The following ETV6 variants were observed in gnomAD, a reference collection of about 807,000 sequenced individuals.
The protein encoded by ETV6 is transcription factor ETV6.
A neutral mutation model predicts 51.1 loss-of-function variants in ETV6; 16 were observed. The ratio of observed to expected loss-of-function variants is 0.31; its 90% CI spans 0.21 to 0.48. ETV6 has a LOEUF of 0.48. Ranked by LOEUF, ETV6 falls within the 20% of genes least tolerant of loss-of-function variation. ETV6 has a pLI of 0.99. For synonymous variants in ETV6, 240 were observed against 224.1 expected (o/e 1.07, Z -0.64); for missense variants, 458 against 594.8 (o/e 0.77, Z 2.39).
chr12:11,750,147 G>A (rs1228569328), intron 1 of ETV6, among the ~76,000 whole-genome samples: 1 of 152,246 alleles, frequency 6.6e-6, no homozygotes, highest in Non-Finnish European at 1.5e-5. Flanking sequence ...GTGCAGAAGT[G>A]TGGTGTTTCA....
intron 1 of ETV6, among the ~76,000 whole-genome samples, chr12:11,743,806 T>C (rs1249144409): frequency 6.6e-6 from 1 of 152,116 alleles, no homozygotes; most frequent in East Asian, 1.9e-4. Flanking sequence ...TTCTTTCTCT[T>C]CCTTTTACAA....
rs1207214494 is a variant in ETV6, at chr12:11,895,367, C to A, written c.*4321C>A. The A allele has an allele frequency of 1.4e-5, 3 of 222,024 alleles. No homozygotes were observed. The highest frequency in any genetic ancestry group is 4.7e-5 in the African/African-American group (2 of 42,920). 13.8% of individuals were successfully genotyped at this position (222,024 alleles called of 1,614,324 possible). On this transcript the variant is annotated 3_prime_UTR_variant, in exon 8 of 8. Transcript: ENST00000396373. ...ATTTTTAAAGAAAAGCCTATAATTA[C>A]ATCATCTCAATAAATTTTTTATAAA...
At chr12:11,798,442 C>A (rs1332522603) in intron 2 of ETV6, among the ~76,000 whole-genome samples, 1 of 152,106 alleles carries the variant, frequency 6.6e-6, no homozygotes, top group African/African-American at 2.4e-5. Context: ...CCTCTTAGAG[C>A]CCCTGAAAGT....
chr12:11,702,765 TA>T (rs749797943), intron 1 of ETV6, among the ~76,000 whole-genome samples: 78 of 152,314 alleles, frequency 5.1e-4, no homozygotes, highest in Non-Finnish European at 1.0e-3. Flanking sequence ...TTCTGAACTG[TA>T]AAATGTGAGC....
At position 11,893,781 on chromosome 12, in the gene ETV6, A is replaced by C. The variant is rs1947335002; in HGVS notation, c.*2735A>C. 1.3e-5 allele frequency: 2 copies of C among 157,752 alleles called. No homozygotes were observed. Among genetic ancestry groups the C allele is most frequent in the Non-Finnish European group, 2.5e-5 (2 of 79,064 alleles). The allele number at this position is 157,752 out of a possible 1,614,324, so 9.8% of individuals were successfully genotyped here. On this transcript the variant is annotated 3_prime_UTR_variant, in exon 8 of 8. Transcript: ENST00000396373. Reference sequence around the variant, plus strand: ...GTGTTTAGACTTTGTGTCCATCCCCAAGATCTCTCATTTTATATATATATA... The same window carrying C: ...GTGTTTAGACTTTGTGTCCATCCCCCAGATCTCTCATTTTATATATATATA...
At chr12:11,816,440 G>T (rs889850993) in intron 2 of ETV6, among the ~76,000 whole-genome samples, 8 of 152,082 alleles carry the variant, frequency 5.3e-5, no homozygotes, top group Non-Finnish European at 1.0e-4. Flanking sequence ...AGAGACGGGG[G>T]TTTCACCATG....
At chr12:11,876,036 T>A (rs1391010671) in intron 5 of ETV6, among the ~76,000 whole-genome samples, 1 of 152,196 alleles carries the variant, frequency 6.6e-6, no homozygotes, top group Non-Finnish European at 1.5e-5. Flanking sequence ...CAATGTAGGA[T>A]GCAGACTTAG....
At chr12:11,829,796 C>T (rs144095245) in intron 2 of ETV6, among the ~76,000 whole-genome samples, 191 of 152,270 alleles carry the variant, frequency 1.3e-3, no homozygotes, top group African/African-American at 4.5e-3. Context: ...TATAACCTTC[C>T]GACCTCCACT....
intron 1 of ETV6, among the ~76,000 whole-genome samples, chr12:11,665,132 C>T (rs534213714): frequency 8.5e-5 from 13 of 152,250 alleles, no homozygotes; most frequent in South Asian, 2.1e-4. Flanking sequence ...CTCAGCCTCC[C>T]GAGTAGCTGA....
chr12:11,741,342 G>A (rs1017342014), intron 1 of ETV6, among the ~76,000 whole-genome samples: 10 of 152,216 alleles, frequency 6.6e-5, no homozygotes, highest in African/African-American at 2.2e-4. Flanking sequence ...TCTCCAGCAT[G>A]AGAAAGTGGT....
chr12:11,811,334 G>C (rs977664476), intron 2 of ETV6, among the ~76,000 whole-genome samples: 3 of 152,360 alleles, frequency 2.0e-5, no homozygotes, highest in African/African-American at 7.2e-5. Flanking sequence ...CCAAGAAGCA[G>C]TGTCTTTTGG....
chr12:11,869,582 A>C lies in ETV6; in HGVS notation c.622A>C (p.Met208Leu). The C allele has an allele frequency of 6.2e-7, 1 of 1,614,120 alleles. No individual in the cohort carries two copies. Among genetic ancestry groups the C allele is most frequent in the Non-Finnish European group, 8.5e-7 (1 of 1,180,016 alleles). Reference sequence around the variant, plus strand: ...GCCCCTCCGGTCCCCCCTGGACAACATGATCCGCCGCCTCTCCCCGGCTGA... The same window carrying C: ...GCCCCTCCGGTCCCCCCTGGACAACCTGATCCGCCGCCTCTCCCCGGCTGA... Reference protein sequence around the residue: ...QRPLRSPLDNMIRRLSPAERA... With the variant: ...QRPLRSPLDNLIRRLSPAERA... The change falls in exon 5 of 8, where the codon ATG (methionine) becomes CTG (leucine). Residue 208 changes from methionine to leucine, a missense_variant. By Grantham distance (15) the Met-to-Leu change is conservative. Transcript: ENST00000396373. This position sits in a 1 kb window ranked among gnomAD's most constrained non-coding sequence, Gnocchi z 5.0.
At chr12:11,811,750 C>T (rs1319043759) in intron 2 of ETV6, among the ~76,000 whole-genome samples, 1 of 152,100 alleles carries the variant, frequency 6.6e-6, no homozygotes, top group East Asian at 1.9e-4. Flanking sequence ...TCACAACAAT[C>T]CCTGTGAGTT....
chr12:11,771,816 GT>G (rs1303309678), intron 2 of ETV6, among the ~76,000 whole-genome samples: 1 of 152,154 alleles, frequency 6.6e-6, no homozygotes, highest in African/African-American at 2.4e-5. Context: ...TTCATACAAA[GT>G]TTAATCAGAC....
intron 2 of ETV6, among the ~76,000 whole-genome samples, chr12:11,808,112 G>T (rs963175274): frequency 2.6e-5 from 4 of 151,912 alleles, no homozygotes; most frequent in Non-Finnish European, 4.4e-5. Flanking sequence ...GTCATTTTTT[G>T]CCAGCAAAGC....
intron 3 of ETV6, among the ~76,000 whole-genome samples, chr12:11,842,196 C>T (rs1565547474): frequency 1.3e-5 from 2 of 152,126 alleles, no homozygotes; most frequent in Admixed American, 6.5e-5. Context: ...TCGAACATCA[C>T]TCACCATGCC....
At position 11,823,996 on chromosome 12, in the gene ETV6, T is replaced by C. The variant is rs182657458; in HGVS notation, c.164-15144T>C. Among the ~76,000 whole-genome samples the C allele has an allele frequency of 2.4e-3, 360 of 152,300 alleles. 2 individuals carry two copies. Among genetic ancestry groups the C allele is most frequent in the African/African-American group, 8.0e-3 (332 of 41,556 alleles). On this transcript the variant is annotated intron_variant, in intron 2 of 7. Transcript: ENST00000396373. ...GGCCAGAGACCCCTTAGATTAATTA[T>C]CACATTTCTTTCACTTACTGCCACA...
At chr12:11,842,762 A>G (rs1457645982) in intron 3 of ETV6, among the ~76,000 whole-genome samples, 1 of 152,252 alleles carries the variant, frequency 6.6e-6, no homozygotes, top group African/African-American at 2.4e-5. Context: ...GCTTACTTAA[A>G]GCAGGAAAGC....
chr12:11,665,824 C>T (rs1198759096), intron 1 of ETV6, among the ~76,000 whole-genome samples: 3 of 152,218 alleles, frequency 2.0e-5, no homozygotes, highest in African/African-American at 7.2e-5. Context: ...GGCATAAGTA[C>T]TGACATGTAC....
Sources: allele counts gnomAD v4.1 joint callset (sites outside exome capture counted in the v4.1 genomes callset), GRCh38; gene constraint gnomAD v4.1.1; non-coding constraint Gnocchi (gnomAD v3.1); transcripts MANE v1.5; gene names NCBI Gene and HGNC (gene_info 2026-07-23, HGNC 2026-07-21).